STK3: variants seen among roughly 807,000 people sequenced by gnomAD.
STK3 encodes serine/threonine-protein kinase 3.
In STK3, 41 loss-of-function variants were observed where a neutral mutation model predicts 58.0. The ratio of observed to expected loss-of-function variants is 0.71; its 90% CI spans 0.55 to 0.92. STK3 has a LOEUF of 0.92. Among genes scored for constraint, STK3 ranks in the 40% least tolerant of loss-of-function variants. STK3 has a pLI of 0.00. For synonymous variants in STK3, 170 were observed against 191.0 expected (o/e 0.89, Z 0.91); for missense variants, 479 against 602.7 (o/e 0.79, Z 2.15).
chr8:98,842,430 C>G (rs1389947339), intron 3 of STK3, among the ~76,000 whole-genome samples: 3 of 152,180 alleles, frequency 2.0e-5, no homozygotes, highest in Non-Finnish European at 4.4e-5. Flanking sequence ...AATCCCAACA[C>G]TTTGGGAGGC....
At chr8:98,856,483 C>T (rs368163916) in intron 3 of STK3, among the ~76,000 whole-genome samples, 52 of 152,226 alleles carry the variant, frequency 3.4e-4, no homozygotes, top group African/African-American at 9.4e-4. Flanking sequence ...ATCAAGGAGA[C>T]GCAAACTGAA....
At chr8:98,818,323 G>A (rs1045587655) in intron 1 of STK3, among the ~76,000 whole-genome samples, 11 of 152,298 alleles carry the variant, frequency 7.2e-5, no homozygotes, top group African/African-American at 2.6e-4. Context: ...TGAGCATCTG[G>A]AATGTGGAAA....
At chr8:98,737,524 C>G (rs1165843046) in intron 4 of STK3, among the ~76,000 whole-genome samples, 4 of 151,998 alleles carry the variant, frequency 2.6e-5, no homozygotes, top group African/African-American at 7.2e-5. Flanking sequence ...AATCAAGGAA[C>G]AGGGTCAGAG....
chr8:98,733,317 C>T (rs13264486), intron 4 of STK3, among the ~76,000 whole-genome samples: 59 of 152,158 alleles, frequency 3.9e-4, no homozygotes, highest in Non-Finnish European at 7.3e-4. Flanking sequence ...GTCCATGGCC[C>T]GTTGGGAACT....
At chr8:98,870,694 A>AT (rs1319154217) in intron 3 of STK3, among the ~76,000 whole-genome samples, 83 of 151,804 alleles carry the variant, frequency 5.5e-4, no homozygotes, top group Middle Eastern at 3.4e-3. Context: ...GGGTTGTTTG[A>AT]TTTTTTCTTA....
chr8:98,635,654 T>A (rs1819560514), intron 6 of STK3, among the ~76,000 whole-genome samples: 1 of 152,208 alleles, frequency 6.6e-6, no homozygotes, highest in African/African-American at 2.4e-5. Flanking sequence ...TTGAGTTTAC[T>A]GATCAGAAAC....
chr8:98,711,748 G>A (rs889693912), intron 4 of STK3, among the ~76,000 whole-genome samples: 14 of 152,128 alleles, frequency 9.2e-5, no homozygotes, highest in African/African-American at 3.4e-4. Flanking sequence ...AACCTACCAA[G>A]GCAGGCTACC....
chr8:98,914,465 C>G, intron 1 of STK3, among the ~76,000 whole-genome samples: 1 of 108,576 alleles, frequency 9.2e-6, no homozygotes, highest in South Asian at 3.4e-4. Context: ...CATGCCTACA[C>G]ACACACACAC....
At chr8:98,686,741 C>G (rs546575579) in intron 6 of STK3, among the ~76,000 whole-genome samples, 1 of 152,198 alleles carries the variant, frequency 6.6e-6, no homozygotes, top group Non-Finnish European at 1.5e-5. Context: ...AAGAACCAAA[C>G]AGAACCTCTG....
At chr8:98,356,412 G>A in the STK3 span, among the ~76,000 whole-genome samples, 1,774 of 152,218 alleles carry the variant, frequency 0.012, 27 homozygotes, top group Middle Eastern at 0.058. Flanking sequence ...CTTAGCTGAC[G>A]CTCAGCTTAG....
intron 8 of STK3, among the ~76,000 whole-genome samples, chr8:98,560,828 T>C (rs1811952420): frequency 6.6e-6 from 1 of 151,558 alleles, no homozygotes; most frequent in African/African-American, 2.4e-5. Context: ...AGCCCAGGAG[T>C]TTGAGACCGG....
intron 3 of STK3, among the ~76,000 whole-genome samples, chr8:98,756,862 G>A (rs1830316824): frequency 2.0e-5 from 3 of 152,102 alleles, no homozygotes; most frequent in Admixed American, 6.5e-5. Flanking sequence ...CTTTTCACCT[G>A]CCCAAATTGC....
chr8:98,798,594 C>G (rs906729743), intron 1 of STK3, among the ~76,000 whole-genome samples: 2 of 152,162 alleles, frequency 1.3e-5, no homozygotes, highest in Admixed American at 6.5e-5. Context: ...GGCAGACATA[C>G]TCTAGAATCA....
intron 3 of STK3, among the ~76,000 whole-genome samples, chr8:98,401,682 T>A (rs1197769700): frequency 6.6e-6 from 1 of 152,228 alleles, no homozygotes. Context: ...GATTTAAGAT[T>A]ATGTTGCCGA....
At chr8:98,522,408 T>C (rs1044167102) in intron 10 of STK3, among the ~76,000 whole-genome samples, 3 of 152,196 alleles carry the variant, frequency 2.0e-5, no homozygotes, top group Admixed American at 6.5e-5. Flanking sequence ...GCCATGTAAC[T>C]TTGCTGTTCC....
intron 1 of STK3, among the ~76,000 whole-genome samples, chr8:98,931,569 G>C (rs1284687329): frequency 6.6e-6 from 1 of 152,222 alleles, no homozygotes; most frequent in Non-Finnish European, 1.5e-5. Context: ...CAGATACCCA[G>C]CAGATAACAT....
chr8:98,368,423 G>C (rs547274424), downstream of STK3, among the ~76,000 whole-genome samples: 1 of 152,296 alleles, frequency 6.6e-6, no homozygotes, highest in South Asian at 2.1e-4. Flanking sequence ...CCAGCATTTA[G>C]GATTGCAGAG....
intron 10 of STK3, among the ~76,000 whole-genome samples, chr8:98,472,290 A>C (rs1820982679): frequency 6.6e-6 from 1 of 152,180 alleles, no homozygotes; most frequent in Non-Finnish European, 1.5e-5. Flanking sequence ...GCTTCTTAAA[A>C]ATTTTAAATT....
downstream of STK3, among the ~76,000 whole-genome samples, chr8:98,401,126 C>T (rs538286566): frequency 1.1e-4 from 16 of 152,120 alleles, no homozygotes; most frequent in East Asian, 1.9e-4. Flanking sequence ...TGGACAGCCA[C>T]GTAAGAAGTC....
Sources: gnomAD v4.1 joint callset for allele counts (sites outside exome capture counted in the v4.1 genomes callset) on GRCh38, gnomAD v4.1.1 for gene constraint, MANE v1.5 for transcripts, NCBI Gene and HGNC (gene_info 2026-07-23, HGNC 2026-07-21) for gene names.